Variants in SH3GL2 observed in about 807,000 individuals in gnomAD.
SH3GL2 encodes the protein endophilin-A1.
Under a neutral mutation model 46.0 loss-of-function variants are expected in SH3GL2, and 24 were observed. The ratio of observed to expected loss-of-function variants is 0.52; its 90% CI spans 0.38 to 0.73. The LOEUF is 0.73. SH3GL2 is among the 30% of genes least tolerant of loss of function. The probability of loss-of-function intolerance (pLI) is 0.00; values close to 1 mark genes in which losing one functional copy is unlikely to be tolerated. For synonymous variants in SH3GL2, 196 were observed against 147.1 expected (o/e 1.33, Z -2.40); for missense variants, 413 against 424.2 (o/e 0.97, Z 0.23).
intron 1 of SH3GL2, among the ~76,000 whole-genome samples, chr9:17,671,149 T>C (rs1036987273): frequency 2.0e-5 from 3 of 152,362 alleles, no homozygotes; most frequent in Admixed American, 6.5e-5. Context: ...TGCTGGTATC[T>C]AACAGACTTT....
chr9:17,770,771 C>A (rs1207816768), intron 3 of SH3GL2, among the ~76,000 whole-genome samples: 1 of 152,202 alleles, frequency 6.6e-6, no homozygotes, highest in Non-Finnish European at 1.5e-5. Flanking sequence ...GGGGTAGTCT[C>A]TAGAACCTAA....
At chr9:17,783,849 G>A (rs116573035) in intron 3 of SH3GL2, among the ~76,000 whole-genome samples, 1,896 of 152,122 alleles carry the variant, frequency 0.012, 37 homozygotes, top group African/African-American at 0.044. Context: ...GATCTCTAAG[G>A]GCACATACAA....
Position 17,579,349 on chromosome 9 carries a change from G to T in SH3GL2, c.45+62G>T, listed in dbSNP as rs1818230218. 16 of 1,207,570 alleles carry T rather than the reference G, an allele frequency of 1.3e-5. No individual in the cohort carries two copies. In the South Asian group the frequency reaches 2.4e-4, roughly 18 times the overall value. 74.8% of individuals were successfully genotyped at this position (1,207,570 alleles called of 1,614,324 possible). A position where few individuals can be genotyped will look rare whatever the true frequency, so the allele number is the denominator to read the frequency against. Reference sequence around the variant, plus strand: ...GGGCGAAGCTGCGAGGGGCGCGCTCGGCGCTGGCCGTCCGGCGGCAGCTTG... The same window carrying T: ...GGGCGAAGCTGCGAGGGGCGCGCTCTGCGCTGGCCGTCCGGCGGCAGCTTG... On this transcript the variant is annotated intron_variant, in intron 1 of 8. Transcript: ENST00000380607.
chr9:17,614,397 G>T (rs1818940354), intron 1 of SH3GL2, among the ~76,000 whole-genome samples: 1 of 150,406 alleles, frequency 6.6e-6, no homozygotes. Context: ...AAATGGGAAA[G>T]ATTGGATTGA....
At chr9:17,735,754 C>G in intron 1 of SH3GL2, 3 of 980,834 alleles carry the variant, frequency 3.1e-6, no homozygotes, top group Non-Finnish European at 3.6e-6. Context: ...GAAGATAAAG[C>G]TGGCAGCTCT....
intron 1 of SH3GL2, among the ~76,000 whole-genome samples, chr9:17,730,496 T>C (rs1225240351): frequency 6.6e-6 from 1 of 152,160 alleles, no homozygotes; most frequent in African/African-American, 2.4e-5. Flanking sequence ...CAATACTATG[T>C]TGAATAGGAG....
chr9:17,644,552 A>G (rs1055245669), intron 1 of SH3GL2, among the ~76,000 whole-genome samples: 1 of 151,938 alleles, frequency 6.6e-6, no homozygotes, highest in Non-Finnish European at 1.5e-5. Context: ...CAAATAACTT[A>G]TTTGTTTCTG....
At chr9:17,743,772 C>G (rs1298986476) in intron 1 of SH3GL2, among the ~76,000 whole-genome samples, 1 of 152,140 alleles carries the variant, frequency 6.6e-6, no homozygotes, top group East Asian at 1.9e-4. Context: ...TAAAATCACT[C>G]TATATTTAAC....
intron 1 of SH3GL2, among the ~76,000 whole-genome samples, chr9:17,720,125 A>G (rs1821858130): frequency 6.6e-6 from 1 of 152,086 alleles, no homozygotes. Flanking sequence ...TGATTCTCAA[A>G]TTTTAATTTT....
chr9:17,756,081 C>A (rs947729992), intron 2 of SH3GL2, among the ~76,000 whole-genome samples: 1 of 151,984 alleles, frequency 6.6e-6, no homozygotes, highest in African/African-American at 2.4e-5. Context: ...CCAATGCTGT[C>A]AAAACACAAA....
At chr9:17,767,751 A>C (rs1823354913) in intron 3 of SH3GL2, among the ~76,000 whole-genome samples, 1 of 152,228 alleles carries the variant, frequency 6.6e-6, no homozygotes, top group Non-Finnish European at 1.5e-5. Context: ...ATGAAAAATA[A>C]TCAAAATGCA....
At chr9:17,736,816 C>T (rs1332544074) in intron 1 of SH3GL2, among the ~76,000 whole-genome samples, 2 of 152,040 alleles carry the variant, frequency 1.3e-5, no homozygotes, top group African/African-American at 4.8e-5. Context: ...CTGTACTTTT[C>T]ATGAGCATTG....
chr9:17,683,954 G>C (rs984945420), intron 1 of SH3GL2, among the ~76,000 whole-genome samples: 1 of 152,058 alleles, frequency 6.6e-6, no homozygotes, highest in African/African-American at 2.4e-5. Flanking sequence ...AGATTAGCAG[G>C]ATGCGAGACA....
At chr9:17,707,621 A>G (rs1279176215) in intron 1 of SH3GL2, among the ~76,000 whole-genome samples, 2 of 152,116 alleles carry the variant, frequency 1.3e-5, no homozygotes, top group African/African-American at 2.4e-5. Context: ...CTCAAATTAA[A>G]TATTCCATTT....
At chr9:17,708,964 C>G (rs1821548486) in intron 1 of SH3GL2, among the ~76,000 whole-genome samples, 1 of 151,918 alleles carries the variant, frequency 6.6e-6, no homozygotes, top group Non-Finnish European at 1.5e-5. Flanking sequence ...ATTCTGAGTC[C>G]TAAGTGACCA....
chr9:17,727,549 C>A (rs1367989660), intron 1 of SH3GL2, among the ~76,000 whole-genome samples: 3 of 152,192 alleles, frequency 2.0e-5, no homozygotes, highest in African/African-American at 7.2e-5. Context: ...TGAAGGCCAC[C>A]TCTGACTTTC....
chr9:17,782,868 G>T (rs563511463), intron 3 of SH3GL2, among the ~76,000 whole-genome samples: 1 of 152,084 alleles, frequency 6.6e-6, no homozygotes, highest in Non-Finnish European at 1.5e-5. Context: ...CCTCTCTAAC[G>T]CACGCCAGCC....
intron 1 of SH3GL2, among the ~76,000 whole-genome samples, chr9:17,622,974 T>TCATTTCCTTTCCTTTCCTTTCCTTTC (rs1563786360): frequency 5.2e-5 from 5 of 95,724 alleles, no homozygotes; most frequent in Admixed American, 1.1e-4. Context: ...CCTTTTCCTT[T>TCATTTCCTTTCCTTTCCTTTCCTTTC]CGTTTCCTTT....
Position 17,627,946 on chromosome 9 carries a change from G to A in SH3GL2, c.45+48659G>A, listed in dbSNP as rs530693666. 9.2e-4 allele frequency among the ~76,000 whole-genome samples: 140 copies of A among 152,318 alleles called. 1 individual carries two copies. Among genetic ancestry groups the A allele is most frequent in the African/African-American group, 2.9e-3 (121 of 41,570 alleles). ...GTGTTTTAACCTCTTCATGTCTCGG[G>A]CTTCTTACTTTTCTCCTGGTGTTGT... is the stretch of plus-strand genomic sequence containing the variant. On this transcript the variant is annotated intron_variant, in intron 1 of 8. Coordinates refer to ENST00000380607, the MANE Select transcript of SH3GL2 (RefSeq NM_003026.5).
Sources: allele counts gnomAD v4.1 joint callset (sites outside exome capture counted in the v4.1 genomes callset), GRCh38; gene constraint gnomAD v4.1.1; transcripts MANE v1.5; gene names NCBI Gene and HGNC (gene_info 2026-07-23, HGNC 2026-07-21).